The following ZNF394 variants were observed in gnomAD, a reference collection of about 807,000 sequenced individuals.
ZNF394 encodes zinc finger protein 394.
A neutral mutation model predicts 21.8 loss-of-function variants in ZNF394; 19 were observed. The ratio of observed to expected loss-of-function variants is 0.87; its 90% CI spans 0.61 to 1.28. The LOEUF (loss-of-function observed/expected upper bound fraction) is 1.28. Ranked by LOEUF, ZNF394 falls within the 50% of genes most tolerant of loss-of-function variation. ZNF394 has a pLI of 0.00. For synonymous variants in ZNF394, 294 were observed against 273.3 expected (o/e 1.08, Z -0.75); for missense variants, 683 against 708.6 (o/e 0.96, Z 0.41).
Position 99,499,944 on chromosome 7 carries a change from C to G in ZNF394, c.150G>C (p.Glu50Asp). Residue 50 changes from glutamate to aspartate, a missense_variant, in exon 1 of 3, where the codon GAG becomes GAC. Physicochemically the swap from Glu to Asp is conservative, Grantham distance 45. Coordinates refer to ENST00000337673, the MANE Select transcript of ZNF394 (RefSeq NM_032164.4). The stretch of plus-strand genomic sequence containing the variant: ...CCGGCGAAGCCGCGGGATAGTTGGG[C>G]TCCCAACTTCCGGGTGAGTCTTCCT... ...KVEEDSPGSW[E>D]PNYPAASPDP... 6.2e-7 allele frequency: 1 copy of G among 1,613,966 alleles called. No homozygotes were observed. Among genetic ancestry groups the G allele is most frequent in the African/African-American group, 1.3e-5 (1 of 75,062 alleles).
chr7:99,488,552 T>TA (rs1800084442), downstream of ZNF394, among the ~76,000 whole-genome samples: 2 of 151,212 alleles, frequency 1.3e-5, no homozygotes, highest in Admixed American at 1.3e-4. Flanking sequence ...ATACAACTAT[T>TA]ACATGCTAAC....
chr7:99,495,887 G>T (rs1001497581), intron 2 of ZNF394, among the ~76,000 whole-genome samples: 1 of 151,938 alleles, frequency 6.6e-6, no homozygotes, highest in African/African-American at 2.4e-5. Context: ...CTCCCAAAGT[G>T]TTGGGATTAC....
chr7:99,488,566 T>C (rs1349408586), downstream of ZNF394, among the ~76,000 whole-genome samples: 1 of 150,858 alleles, frequency 6.6e-6, no homozygotes, highest in Non-Finnish European at 1.5e-5. Context: ...TGCTAACGTA[T>C]AGACTTAAAA....
chr7:99,500,226 C>T lies in ZNF394; in HGVS notation c.-133G>A. ...CCCCACCACACCAGGCCCCTCTCCA[C>T]ACTCTCCTTTCCTCAGCTTTGCGCC... On this transcript the variant is annotated 5_prime_UTR_variant, in exon 1 of 3. The change creates a new upstream start codon in the 5' untranslated region. Transcript: ENST00000337673. 1.2e-6 allele frequency: 1 copy of T among 800,756 alleles called. No homozygotes were observed. The highest frequency in any genetic ancestry group is 3.8e-4 in the Middle Eastern group (1 of 2,638). 49.6% of individuals were successfully genotyped at this position (800,756 alleles called of 1,614,324 possible).
At chr7:99,489,293 A>G (rs979702508), downstream of ZNF394, among the ~76,000 whole-genome samples, 2 of 151,344 alleles carry the variant, frequency 1.3e-5, no homozygotes, top group Non-Finnish European at 2.9e-5. Flanking sequence ...CAAAAAAGAA[A>G]AAAAAAAAAA....
rs377390107 is a variant in ZNF394, at chr7:99,495,982, C to T, written c.584-1351G>A. Among the ~76,000 whole-genome samples, 9 of 149,232 alleles carry T rather than the reference C, an allele frequency of 6.0e-5. No individual in the cohort carries two copies. The South Asian group carries it at 6.4e-4, about 11-fold the overall frequency. On this transcript the variant is annotated intron_variant, in intron 2 of 2. Transcript: ENST00000337673. ...TGTCACCCAGGTTGGAGTGCAATGGCGTGATCTCGGCTCACTGCAACCTCC... is the reference window on the plus strand; with the variant it reads ...TGTCACCCAGGTTGGAGTGCAATGGTGTGATCTCGGCTCACTGCAACCTCC...
chr7:99,491,253 G>A (rs998342096), downstream of ZNF394, among the ~76,000 whole-genome samples: 2 of 152,144 alleles, frequency 1.3e-5, no homozygotes, highest in African/African-American at 4.8e-5. Context: ...CTCAAATTTT[G>A]TATAATAAGC....
intron 2 of ZNF394, among the ~76,000 whole-genome samples, chr7:99,497,499 T>G (rs183028174): frequency 4.6e-5 from 7 of 152,038 alleles, no homozygotes; most frequent in African/African-American, 1.7e-4. Flanking sequence ...TTTCCTTATA[T>G]GTACATCCCT....
At chr7:99,488,071 CA>C (rs1180851983) in intron 1 of ZNF394, among the ~76,000 whole-genome samples, 3,204 of 68,154 alleles carry the variant, frequency 0.047, 79 homozygotes, top group African/African-American at 0.13. Context: ...GACTCCGTCT[CA>C]AAAAAAAAAA....
At chr7:99,489,582 T>G (rs955893041), downstream of ZNF394, among the ~76,000 whole-genome samples, 6 of 152,186 alleles carry the variant, frequency 3.9e-5, no homozygotes, top group African/African-American at 1.4e-4. Flanking sequence ...AGATACCTCA[T>G]TGGGTGACTT....
intron 2 of ZNF394, chr7:99,498,005 G>C (rs1224667030): frequency 1.3e-5 from 2 of 152,150 alleles, no homozygotes; most frequent in African/African-American, 4.8e-5. Flanking sequence ...ACCAGGAAGG[G>C]GGGACTACTG....
Position 99,498,817 on chromosome 7 carries a change from GC to G in ZNF394, c.481del (p.Ala161LeufsTer4). 6.2e-7 allele frequency: 1 copy of G among 1,613,864 alleles called. No individual in the cohort carries two copies. The highest frequency in any genetic ancestry group is 8.5e-7 in the Non-Finnish European group (1 of 1,179,896). ...CCACTCCTCCCAGGTTAGAGACACA[GC>G]CGTGTCCTCGAAAGTCACCATCCCC... ...SQGMVTFEDT[A>X]VSLTWEEWER... On this transcript the variant is annotated frameshift_variant, in exon 2 of 3. Coordinates refer to ENST00000337673, the MANE Select transcript of ZNF394 (RefSeq NM_032164.4). LOFTEE classifies it high-confidence loss of function.
downstream of ZNF394, among the ~76,000 whole-genome samples, chr7:99,488,836 G>T (rs991370262): frequency 2.0e-5 from 3 of 150,118 alleles, no homozygotes; most frequent in African/African-American, 7.4e-5. Flanking sequence ...GCTGAGGTAG[G>T]AGAATCACCT....
intron 2 of ZNF394, among the ~76,000 whole-genome samples, chr7:99,496,267 C>T (rs1222405836): frequency 2.0e-5 from 3 of 150,982 alleles, no homozygotes; most frequent in Admixed American, 6.6e-5. Flanking sequence ...TCACCTGCCT[C>T]GGCCTCCCAA....
At chr7:99,492,197 T>G (rs1017058823), downstream of ZNF394, among the ~76,000 whole-genome samples, 8 of 152,268 alleles carry the variant, frequency 5.3e-5, no homozygotes, top group South Asian at 2.1e-4. Context: ...ATAGAGTGCT[T>G]CTTTTGAGTA....
downstream of ZNF394, among the ~76,000 whole-genome samples, chr7:99,491,217 T>TA (rs1220669528): frequency 2.0e-5 from 3 of 152,210 alleles, no homozygotes; most frequent in Admixed American, 2.0e-4. Context: ...TCTTATGTTC[T>TA]ATTTTATTCA....
rs1460807965 is a variant in ZNF394, at chr7:99,493,514, C to G, written c.*15G>C. On this transcript the variant is annotated 3_prime_UTR_variant, in exon 3 of 3. Coordinates refer to ENST00000337673, the MANE Select transcript of ZNF394 (RefSeq NM_032164.4). ...TCAAATGATCTGCCTGCCTTGGCCT[C>G]CCAAAGTGCTGGGATTATAGGCGTG... 6.4e-7 allele frequency: 1 copy of G among 1,568,768 alleles called. No individual in the cohort carries two copies. Among genetic ancestry groups the G allele is most frequent in the Non-Finnish European group, 8.6e-7 (1 of 1,157,012 alleles).
Position 99,500,098 on chromosome 7 carries a change from C to T in ZNF394, c.-5G>A, listed in dbSNP as rs770543901. The T allele has an allele frequency of 1.3e-6, 2 of 1,538,908 alleles. No individual in the cohort carries two copies. Among genetic ancestry groups the T allele is most frequent in the Non-Finnish European group, 1.7e-6 (2 of 1,149,690 alleles). On this transcript the variant is annotated 5_prime_UTR_variant, in exon 1 of 3. Coordinates refer to ENST00000337673, the MANE Select transcript of ZNF394 (RefSeq NM_032164.4). The stretch of plus-strand genomic sequence containing the variant: ...GGCGGTCAAGCTGGAATTCATCTTT[C>T]TCCGGCATGTGCTGCCCTTCCTGGA...
chr7:99,488,483 C>T (rs553081426), downstream of ZNF394, among the ~76,000 whole-genome samples: 2 of 148,856 alleles, frequency 1.3e-5, no homozygotes, highest in East Asian at 2.0e-4. Flanking sequence ...GCCTCAGCAA[C>T]AGAGTGAGAC....
Sources: gnomAD v4.1 joint callset for allele counts (sites outside exome capture counted in the v4.1 genomes callset) on GRCh38, gnomAD v4.1.1 for gene constraint, MANE v1.5 for transcripts, NCBI Gene and HGNC (gene_info 2026-07-23, HGNC 2026-07-21) for gene names.